The following NIBAN1 variants were observed in gnomAD, a reference collection of about 807,000 sequenced individuals.
The protein encoded by NIBAN1 is protein Niban 1.
A neutral mutation model predicts 75.1 loss-of-function variants in NIBAN1; 81 were observed. The observed-to-expected ratio is 1.08, with a 90% CI of 0.90 to 1.30. The LOEUF (loss-of-function observed/expected upper bound fraction) is 1.30, where lower values mean the gene tolerates loss of function less well. Among genes scored for constraint, NIBAN1 ranks in the 50% most tolerant of loss-of-function variants. The probability of loss-of-function intolerance (pLI) is 0.00; values close to 1 mark genes in which losing one functional copy is unlikely to be tolerated. For missense variants in NIBAN1, 1,133 were observed against 1,128.1 expected, an observed-to-expected ratio of 1.00 and a Z score of -0.06; for synonymous variants, 436 against 424.8, an observed-to-expected ratio of 1.03 and a Z score of -0.32.
At chr1:184,803,978 G>C (rs1004568702) in intron 11 of NIBAN1, among the ~76,000 whole-genome samples, 3 of 152,192 alleles carry the variant, frequency 2.0e-5, no homozygotes, top group Non-Finnish European at 4.4e-5. Context: ...GGATAGAACT[G>C]GGGGGTGAGT....
At chr1:184,946,517 C>T (rs997808423) in intron 1 of NIBAN1, among the ~76,000 whole-genome samples, 7 of 152,152 alleles carry the variant, frequency 4.6e-5, no homozygotes, top group East Asian at 1.9e-4. Flanking sequence ...GATTTATTTA[C>T]GCCTTGGAGC....
chr1:184,968,042 AAATACAAAAAAT>A lies in NIBAN1; in HGVS notation c.55+6248_55+6259del, dbSNP rs1658844110. On this transcript the variant is annotated intron_variant, in intron 1 of 13. Coordinates refer to ENST00000367511, the MANE Select transcript of NIBAN1 (RefSeq NM_052966.4). ...CAAGGTGAAACCCCGTCTCTACTAA[AAATACAAAAAAT>A]TAGCCGGGCGCGGTGGCGGGGGCCT... Among the ~76,000 whole-genome samples, 2 of 53,570 alleles carry A rather than the reference AAATACAAAAAAT, an allele frequency of 3.7e-5. 1 individual carries two copies. The highest frequency in any genetic ancestry group is 9.6e-5 in the Non-Finnish European group (2 of 20,762). 35.1% of individuals were successfully genotyped at this position (53,570 alleles called of 152,430 possible). A position where few individuals can be genotyped will look rare whatever the true frequency, so the allele number is the denominator to read the frequency against.
At chr1:184,935,688 T>C (rs781434331) in intron 1 of NIBAN1, among the ~76,000 whole-genome samples, 2 of 152,080 alleles carry the variant, frequency 1.3e-5, no homozygotes, top group Non-Finnish European at 2.9e-5. Context: ...TCAAGCTTTG[T>C]TCACAGTTCT....
intron 1 of NIBAN1, among the ~76,000 whole-genome samples, chr1:184,964,154 G>A (rs764377029): frequency 1.4e-4 from 22 of 152,252 alleles, no homozygotes; most frequent in Non-Finnish European, 1.5e-4. Flanking sequence ...TTGCAGGAAT[G>A]AGAATCCTGT....
intron 11 of NIBAN1, among the ~76,000 whole-genome samples, chr1:184,804,394 C>T (rs1422538550): frequency 6.6e-6 from 1 of 152,158 alleles, no homozygotes; most frequent in African/African-American, 2.4e-5. Context: ...AAGGCTGCCA[C>T]GTGGAAGAAG....
intron 1 of NIBAN1, among the ~76,000 whole-genome samples, chr1:184,904,463 C>A (rs1399255066): frequency 1.3e-5 from 2 of 152,190 alleles, no homozygotes; most frequent in Admixed American, 6.5e-5. Context: ...AGAAAAATAT[C>A]TGCTGGCCCC....
chr1:184,960,505 T>C (rs551881420), intron 1 of NIBAN1, among the ~76,000 whole-genome samples: 1 of 152,368 alleles, frequency 6.6e-6, no homozygotes, highest in East Asian at 1.9e-4. Context: ...AACCAAACAC[T>C]GATCTATTTG....
chr1:184,886,628 C>T (rs1387623944), intron 4 of NIBAN1, among the ~76,000 whole-genome samples: 2 of 152,158 alleles, frequency 1.3e-5, no homozygotes, highest in African/African-American at 4.8e-5. Context: ...TGATATTGCA[C>T]TTGGTTAAAT....
intron 5 of NIBAN1, among the ~76,000 whole-genome samples, chr1:184,839,567 ACG>A (rs890330811): frequency 4.1e-5 from 5 of 123,348 alleles, no homozygotes; most frequent in African/African-American, 6.6e-5. Flanking sequence ...GTGTGTGTGC[ACG>A]CGCGCGTGTG....
chr1:184,959,799 G>T (rs1042136881), intron 1 of NIBAN1, among the ~76,000 whole-genome samples: 76 of 152,264 alleles, frequency 5.0e-4, no homozygotes, highest in African/African-American at 1.8e-3. Flanking sequence ...TCTATCATAA[G>T]GCCTTTCTAC....
At chr1:184,828,211 T>C (rs1348872647) in intron 6 of NIBAN1, among the ~76,000 whole-genome samples, 1 of 152,170 alleles carries the variant, frequency 6.6e-6, no homozygotes, top group African/African-American at 2.4e-5. Context: ...TCTGAGATAG[T>C]TGCTTTGCCT....
chr1:184,854,042 G>A (rs1655613632), intron 5 of NIBAN1, among the ~76,000 whole-genome samples: 1 of 152,228 alleles, frequency 6.6e-6, no homozygotes. Flanking sequence ...TGAAATATGT[G>A]ATCAATATAA....
Position 184,796,069 on chromosome 1 carries a change from T to C in NIBAN1, c.1695A>G (p.Lys565=). ...KVIKEAAILK[K]HNLFEDNMAL... The stretch of plus-strand genomic sequence containing the variant: ...CCATGTTATCTTCAAATAAGTTGTG[T>C]TTCTTCAAGATAGCAGCTTCCTTTA... The change falls in exon 14 of 14, where the codon AAA becomes AAG. Residue 565 remains lysine (K), a synonymous_variant. Coordinates refer to ENST00000367511, the MANE Select transcript of NIBAN1 (RefSeq NM_052966.4). 6.4e-7 allele frequency: 1 copy of C among 1,563,860 alleles called. No homozygotes were observed. Among genetic ancestry groups the C allele is most frequent in the Non-Finnish European group, 8.6e-7 (1 of 1,158,914 alleles).
chr1:184,966,700 T>C (rs1658793223), intron 1 of NIBAN1, among the ~76,000 whole-genome samples: 1 of 152,202 alleles, frequency 6.6e-6, no homozygotes, highest in Admixed American at 6.5e-5. Context: ...TGCCTTATAA[T>C]GATTCACTAA....
At chr1:184,807,984 G>T in intron 10 of NIBAN1, 90 bp downstream of exon 10, 1 of 1,458,736 alleles carries the variant, frequency 6.9e-7, no homozygotes, top group Non-Finnish European at 9.6e-7. Context: ...ATTTCCCTGA[G>T]CTACACTAGC....
In NIBAN1 at chr1:184,823,726, A is replaced by C; in HGVS notation, c.734T>G (p.Val245Gly). Residue 245 changes from valine to glycine, a missense_variant, in exon 7 of 14, where the codon GTG becomes GGG. Coordinates refer to ENST00000367511, the MANE Select transcript of NIBAN1 (RefSeq NM_052966.4). ...AAGAGTGGGCAGGAGCTCCTCCATC[A>C]CCAGGTTACTCAGGATCTGCGCAGC... ...GDEIQILSNL[V>G]MEELLPTLQT... is the part of the protein sequence containing the mutation. The C allele has an allele frequency of 6.2e-7, 1 of 1,614,096 alleles. No homozygotes were observed. Among genetic ancestry groups the C allele is most frequent in the East Asian group, 2.2e-5 (1 of 44,864 alleles).
intron 5 of NIBAN1, among the ~76,000 whole-genome samples, chr1:184,834,490 C>T (rs937235145): frequency 1.3e-5 from 2 of 152,166 alleles, no homozygotes; most frequent in African/African-American, 2.4e-5. Flanking sequence ...AAAAGCATCC[C>T]TATTTCTCCA....
At chr1:184,806,870 G>A (rs1377673532) in intron 10 of NIBAN1, among the ~76,000 whole-genome samples, 5 of 149,696 alleles carry the variant, frequency 3.3e-5, no homozygotes, top group African/African-American at 1.2e-4. Context: ...CAGGGTTCAA[G>A]CGAGTCTCGT....
intron 1 of NIBAN1, among the ~76,000 whole-genome samples, chr1:184,906,107 G>A (rs1170419227): frequency 6.6e-6 from 1 of 151,584 alleles, no homozygotes; most frequent in Non-Finnish European, 1.5e-5. Flanking sequence ...CAAGTGTGGT[G>A]ATGCACACCT....
Sources: allele counts gnomAD v4.1 joint callset (sites outside exome capture counted in the v4.1 genomes callset), GRCh38; gene constraint gnomAD v4.1.1; transcripts MANE v1.5; gene names NCBI Gene and HGNC (gene_info 2026-07-23, HGNC 2026-07-21).